Variants in TTC23 observed in about 807,000 individuals in gnomAD.
TTC23 encodes tetratricopeptide repeat protein 23.
TTC23 carries 58 observed loss-of-function variants against 55.1 expected under a neutral mutation model. That is an observed-to-expected ratio of 1.05 (90% CI 0.85 to 1.31). The LOEUF (loss-of-function observed/expected upper bound fraction) is 1.31, where lower values mean the gene tolerates loss of function less well. TTC23 is among the 50% of genes most tolerant of loss of function. The pLI is 0.00. For synonymous variants in TTC23, 203 were observed against 199.9 expected, an observed-to-expected ratio of 1.02 and a Z score of -0.13; for missense variants, 516 against 534.4, an observed-to-expected ratio of 0.97 and a Z score of 0.34.
chr15:99,182,579 G>A (rs1487370830), intron 9 of TTC23, among the ~76,000 whole-genome samples: 1 of 152,042 alleles, frequency 6.6e-6, no homozygotes, highest in Non-Finnish European at 1.5e-5. Context: ...TATTATCACA[G>A]AGTAGTTTTT....
At chr15:99,246,661 C>T (rs2080267248) in intron 1 of TTC23, among the ~76,000 whole-genome samples, 1 of 152,058 alleles carries the variant, frequency 6.6e-6, no homozygotes, top group Non-Finnish European at 1.5e-5. Context: ...TGGCTCATGC[C>T]TGTAATCCCA....
chr15:99,159,728 G>A (rs146548384), intron 11 of TTC23: 4 of 152,336 alleles, frequency 2.6e-5, no homozygotes, highest in Admixed American at 2.0e-4. Flanking sequence ...TGAGGGCATC[G>A]GGGAGCCAGT....
chr15:99,196,599 T>C (rs1443784970), intron 9 of TTC23, among the ~76,000 whole-genome samples: 1 of 152,166 alleles, frequency 6.6e-6, no homozygotes, highest in African/African-American at 2.4e-5. Context: ...AGGCCTGTCA[T>C]GTCTACTCCA....
intron 9 of TTC23, among the ~76,000 whole-genome samples, chr15:99,189,336 C>T (rs2075027508): frequency 1.3e-5 from 2 of 152,122 alleles, no homozygotes; most frequent in Admixed American, 1.3e-4. Flanking sequence ...AATTATTTTA[C>T]AACCATCACA....
rs57733522 is a variant in TTC23, at chr15:99,148,360, C to CAAAAAAAAAAAA, written c.1143+7776_1143+7787dup. Among the ~76,000 whole-genome samples the CAAAAAAAAAAAA allele has an allele frequency of 4.7e-3, 143 of 30,414 alleles. 33 individuals carry two copies. Among genetic ancestry groups the CAAAAAAAAAAAA allele is most frequent in the East Asian group, 0.015 (10 of 676 alleles). The allele number at this position is 30,414 out of a possible 152,430, so 20.0% of individuals were successfully genotyped here. On this transcript the variant is annotated intron_variant, in intron 12 of 13. Transcript: ENST00000394132. ...TGGGTGACAGAGTGAGACTCTGTAC[C>CAAAAAAAAAAAA]AAAAAAAAAAAAAAAAAAAAAAAAA...
At chr15:99,225,633 G>A (rs1019676056) in intron 5 of TTC23, among the ~76,000 whole-genome samples, 1 of 152,156 alleles carries the variant, frequency 6.6e-6, no homozygotes, top group Non-Finnish European at 1.5e-5. Flanking sequence ...TGATAAATAA[G>A]CTGTGAAGAA....
chr15:99,240,997 C>T (rs993848648), intron 3 of TTC23, among the ~76,000 whole-genome samples: 2 of 152,250 alleles, frequency 1.3e-5, no homozygotes, highest in Non-Finnish European at 2.9e-5. Flanking sequence ...TATGTGGCAT[C>T]ACACAGTAAC....
intron 4 of TTC23, among the ~76,000 whole-genome samples, chr15:99,231,885 C>A (rs888469591): frequency 6.6e-6 from 1 of 151,720 alleles, no homozygotes; most frequent in Admixed American, 6.6e-5. Context: ...CTCTACCCCC[C>A]AGGTTCAAGC....
chr15:99,148,355 T>C (rs529095712), intron 12 of TTC23, among the ~76,000 whole-genome samples: 1 of 5,018 alleles, frequency 2.0e-4, no homozygotes, highest in South Asian at 0.021. Context: ...AGTGAGACTC[T>C]GTACCAAAAA....
intron 12 of TTC23, among the ~76,000 whole-genome samples, chr15:99,148,350 G>A (rs1555495064): frequency 2.4e-5 from 1 of 41,264 alleles, no homozygotes; most frequent in African/African-American, 7.9e-5. Context: ...GACAGAGTGA[G>A]ACTCTGTACC....
intron 9 of TTC23, among the ~76,000 whole-genome samples, chr15:99,175,358 C>T (rs1476571378): frequency 6.6e-6 from 1 of 152,192 alleles, no homozygotes; most frequent in African/African-American, 2.4e-5. Flanking sequence ...GACAATGAAT[C>T]CAGATGGCTC....
intron 10 of TTC23, among the ~76,000 whole-genome samples, chr15:99,173,710 G>C (rs757743306): frequency 7.2e-5 from 11 of 152,186 alleles, no homozygotes; most frequent in Non-Finnish European, 1.6e-4. Flanking sequence ...GCCAGGGCTG[G>C]AGCTTAAGTA....
intron 5 of TTC23, 67 bp from the exon 6 acceptor site, chr15:99,221,931 C>A: frequency 2.6e-6 from 4 of 1,567,034 alleles, no homozygotes; most frequent in South Asian, 2.3e-5. Context: ...AAAATCAATG[C>A]GCTTTTATAT....
At chr15:99,166,396 G>C (rs1032264366) in intron 10 of TTC23, among the ~76,000 whole-genome samples, 20 of 152,210 alleles carry the variant, frequency 1.3e-4, no homozygotes, top group African/African-American at 4.6e-4. Context: ...GAGGGAGGAT[G>C]CTGCAGGGTT....
Position 99,199,983 on chromosome 15 carries a change from C to T in TTC23, c.695G>A (p.Arg232Lys). Reference protein sequence around the residue: ...ETSRECVPILRELAGVEQALG... With the variant: ...ETSRECVPILKELAGVEQALG... ...GGCTTGCTCTACACCTGCTAATTCT[C>T]TCAATATGGGTACACACTCACGACT... Residue 232 changes from arginine (R) to lysine (K), a missense_variant, in exon 9 of 14, where the codon AGA becomes AAA. By Grantham distance (26) the Arg-to-Lys change is conservative. Coordinates refer to ENST00000394132, the MANE Select transcript of TTC23 (RefSeq NM_001288615.3). The T allele has an allele frequency of 6.2e-7, 1 of 1,614,010 alleles. No homozygotes were observed. The highest frequency in any genetic ancestry group is 8.5e-7 in the Non-Finnish European group (1 of 1,179,992).
chr15:99,190,181 AAAAG>A (rs57945122), intron 9 of TTC23, among the ~76,000 whole-genome samples: 14 of 148,606 alleles, frequency 9.4e-5, no homozygotes, highest in African/African-American at 2.0e-4. Context: ...CCTGTCTAAA[AAAAG>A]AAAGAAAGAA....
chr15:99,201,912 C>G (rs1388818824), intron 8 of TTC23, among the ~76,000 whole-genome samples: 1 of 152,160 alleles, frequency 6.6e-6, no homozygotes, highest in East Asian at 1.9e-4. Flanking sequence ...GGTAAGAAAT[C>G]ATTTAGCCAA....
At chr15:99,168,371 G>A (rs1192899567) in intron 10 of TTC23, among the ~76,000 whole-genome samples, 1 of 152,168 alleles carries the variant, frequency 6.6e-6, no homozygotes, top group Non-Finnish European at 1.5e-5. Context: ...CCAGGAAAGT[G>A]ACCAGCCCCC....
intron 10 of TTC23, among the ~76,000 whole-genome samples, chr15:99,174,021 T>C (rs1313463287): frequency 6.6e-6 from 1 of 152,206 alleles, no homozygotes; most frequent in Non-Finnish European, 1.5e-5. Context: ...ATGGTTAGTG[T>C]GGAATGTTCT....
Sources: allele counts gnomAD v4.1 joint callset (sites outside exome capture counted in the v4.1 genomes callset), GRCh38; gene constraint gnomAD v4.1.1; transcripts MANE v1.5; gene names NCBI Gene and HGNC (gene_info 2026-07-23, HGNC 2026-07-21).